The following HSD3B1 variants were observed in gnomAD, a reference collection of about 807,000 sequenced individuals.
HSD3B1 encodes the protein 3 beta-hydroxysteroid dehydrogenase/Delta 5-->4-isomerase type 1.
HSD3B1 carries 11 observed loss-of-function variants against 10.4 expected under a neutral mutation model. The ratio of observed to expected loss-of-function variants is 1.05; its 90% CI spans 0.66 to 1.75. The LOEUF (loss-of-function observed/expected upper bound fraction) is 1.75, where lower values mean the gene tolerates loss of function less well. Among genes scored for constraint, HSD3B1 ranks in the 40% most tolerant of loss-of-function variants. The probability of loss-of-function intolerance (pLI) is 0.00; values close to 1 mark genes in which losing one functional copy is unlikely to be tolerated. For synonymous variants in HSD3B1, 217 were observed against 185.4 expected (o/e 1.17, Z -1.39); for missense variants, 490 against 454.5 (o/e 1.08, Z -0.71).
Position 119,507,433 on chromosome 1 carries a change from A to T in HSD3B1, c.-44A>T, listed in dbSNP as rs777238090. On this transcript the variant is annotated 5_prime_UTR_variant, in exon 2 of 4. Transcript: ENST00000369413. Reference sequence around the variant, plus strand: ...CCTAGAATCAGATCTGCTCCCCAGCATCTTCTGTTTCCTGGTGAGTGATTC... The same window carrying T: ...CCTAGAATCAGATCTGCTCCCCAGCTTCTTCTGTTTCCTGGTGAGTGATTC... 1.1e-5 allele frequency: 17 copies of T among 1,609,898 alleles called. No homozygotes were observed. The highest frequency in any genetic ancestry group is 6.6e-5 in the South Asian group (6 of 90,980).
At chr1:119,512,668 T>G (rs1054880420) in intron 3 of HSD3B1, among the ~76,000 whole-genome samples, 1 of 152,210 alleles carries the variant, frequency 6.6e-6, no homozygotes, top group Non-Finnish European at 1.5e-5. Context: ...TAACCAGTTT[T>G]AATTACTACT....
intron 3 of HSD3B1, among the ~76,000 whole-genome samples, chr1:119,512,680 C>CA (rs1183245447): frequency 6.6e-6 from 1 of 152,108 alleles, no homozygotes; most frequent in Non-Finnish European, 1.5e-5. Context: ...ATTACTACTT[C>CA]AACAGCTCCC....
intron 2 of HSD3B1, among the ~76,000 whole-genome samples, chr1:119,510,356 G>A (rs1653897646): frequency 6.6e-6 from 1 of 152,088 alleles, no homozygotes; most frequent in Non-Finnish European, 1.5e-5. Flanking sequence ...ATTCATCATT[G>A]AAGCCCACCC....
chr1:119,507,471 A>T lies in HSD3B1; in HGVS notation c.-6A>T, dbSNP rs587608054. On this transcript the variant is annotated 5_prime_UTR_variant, in exon 2 of 4. It removes an upstream start codon present in the reference 5' UTR. Coordinates refer to ENST00000369413, the MANE Select transcript of HSD3B1 (RefSeq NM_000862.3). ...TGGTGAGTGATTCCTGCTACTTTGG[A>T]TGGCCATGACGGGCTGGAGCTGCCT... 2.0e-5 allele frequency: 32 copies of T among 1,613,632 alleles called. No homozygotes were observed. In the South Asian group the frequency reaches 3.1e-4, roughly 16 times the overall value.
chr1:119,509,221 A>G (rs1237443984), intron 2 of HSD3B1, among the ~76,000 whole-genome samples: 1 of 152,226 alleles, frequency 6.6e-6, no homozygotes, highest in East Asian at 1.9e-4. Context: ...CACAGTTAGC[A>G]TATGGCAAAG....
Position 119,513,979 on chromosome 1 carries a change from C to T in HSD3B1, c.456C>T (p.Pro152=), listed in dbSNP as rs755389773. The T allele has an allele frequency of 8.1e-6, 13 of 1,614,048 alleles. No homozygotes were observed. The highest frequency in any genetic ancestry group is 1.7e-5 in the Admixed American group (1 of 60,004). The change falls in exon 4 of 4, where the codon CCC becomes CCT. Residue 152 remains proline (P), a synonymous_variant. Transcript: ENST00000369413. ...HEEEPLENTW[P]APYPHSKKLA... ...AAGAGCCTCTGGAAAACACATGGCC[C>T]GCTCCATACCCACACAGCAAAAAGC... is the stretch of plus-strand genomic sequence containing the variant.
In HSD3B1 at chr1:119,508,362, C is replaced by CT. The variant is rs1344867398; in HGVS notation, c.145+749dup. On this transcript the variant is annotated intron_variant, in intron 2 of 3. Transcript: ENST00000369413. ...CCTCATTTAGATTTTGCATATATGG[C>CT]TTTTTTTTAAAAAAAAAAAAACAAA... Among the ~76,000 whole-genome samples, 75 of 145,002 alleles carry CT rather than the reference C, an allele frequency of 5.2e-4. No individual in the cohort carries two copies. In the East Asian group the frequency reaches 6.1e-3, roughly 12 times the overall value.
Position 119,507,565 on chromosome 1 carries a change from A to T in HSD3B1, c.89A>T (p.Lys30Met). ...CTCTTGGTGAAGGAGAAGGAGCTGA[A>T]GGAGATCAGGGTCTTGGACAAGGCC... ...IRLLVKEKEL[K>M]EIRVLDKAFG... The change falls in exon 2 of 4, where the codon AAG becomes ATG. Residue 30 changes from lysine to methionine, a missense_variant. Physicochemically the swap from Lys to Met is moderately conservative, Grantham distance 95. Coordinates refer to ENST00000369413, the MANE Select transcript of HSD3B1 (RefSeq NM_000862.3). 1 of 1,614,046 alleles carries T rather than the reference A, an allele frequency of 6.2e-7. No homozygotes were observed. Among genetic ancestry groups the T allele is most frequent in the Non-Finnish European group, 8.5e-7 (1 of 1,179,946 alleles).
chr1:119,509,460 G>A (rs1339372215), intron 2 of HSD3B1, among the ~76,000 whole-genome samples: 1 of 152,158 alleles, frequency 6.6e-6, no homozygotes, highest in East Asian at 1.9e-4. Flanking sequence ...AACTCACTGG[G>A]GAAGAGTCCT....
chr1:119,511,799 G>A (rs1034995778), intron 3 of HSD3B1, 132 bp downstream of exon 3: 58 of 807,976 alleles, frequency 7.2e-5, no homozygotes, highest in Admixed American at 1.4e-4. Flanking sequence ...TGATCACTAC[G>A]AATAGGAGAG....
intron 2 of HSD3B1, chr1:119,508,052 T>C (rs1653838896): frequency 5.9e-6 from 1 of 170,076 alleles, no homozygotes; most frequent in Non-Finnish European, 1.3e-5. Flanking sequence ...GTGTTTTGTT[T>C]TGCAGCTTCC....
At chr1:119,510,000 A>T (rs1326778209) in intron 2 of HSD3B1, among the ~76,000 whole-genome samples, 2 of 152,196 alleles carry the variant, frequency 1.3e-5, no homozygotes, top group East Asian at 3.9e-4. Flanking sequence ...AACCTCTCTG[A>T]GACTCAGTTT....
chr1:119,508,988 T>A (rs1416345181), intron 2 of HSD3B1, among the ~76,000 whole-genome samples: 2 of 152,232 alleles, frequency 1.3e-5, no homozygotes, highest in Non-Finnish European at 2.9e-5. Flanking sequence ...AGAGGTATTG[T>A]TCCCCTATGG....
intron 3 of HSD3B1, 76 bp from the exon 4 acceptor site, chr1:119,513,758 G>A (rs1654012757): frequency 3.7e-6 from 5 of 1,354,112 alleles, no homozygotes; most frequent in East Asian, 4.6e-5. Context: ...GGGGGGTGGG[G>A]CACATAGATC....
intron 2 of HSD3B1, among the ~76,000 whole-genome samples, chr1:119,509,783 T>C (rs1433163426): frequency 6.6e-6 from 1 of 152,238 alleles, no homozygotes; most frequent in Non-Finnish European, 1.5e-5. Context: ...TTCGAATTTT[T>C]CACTCTGAAT....
intron 2 of HSD3B1, among the ~76,000 whole-genome samples, chr1:119,510,758 A>G (rs774279363): frequency 5.1e-4 from 6 of 11,748 alleles, no homozygotes; most frequent in Non-Finnish European, 1.3e-3. Context: ...TTTTTTTGAG[A>G]CAAGGTGGTC....
intron 2 of HSD3B1, among the ~76,000 whole-genome samples, chr1:119,509,852 T>TGGAAAAGAATGATATTAAACAAC (rs1653886330): frequency 2.0e-5 from 3 of 152,134 alleles, no homozygotes; most frequent in Admixed American, 1.3e-4. Flanking sequence ...GCTTATTCTT[T>TGGAAAAGAATGATATTAAACAAC]GGAAAAGAAT....
intron 2 of HSD3B1, 67 bp from the exon 3 acceptor site, chr1:119,511,436 C>G: frequency 6.6e-7 from 1 of 1,524,596 alleles, no homozygotes; most frequent in Non-Finnish European, 9.1e-7. Context: ...TGTAACATCA[C>G]CTTTATCAGA....
chr1:119,509,575 T>C lies in HSD3B1; in HGVS notation c.146-1928T>C, dbSNP rs111240007. Among the ~76,000 whole-genome samples, 14 of 152,102 alleles carry C rather than the reference T, an allele frequency of 9.2e-5. 1 individual carries two copies. Among genetic ancestry groups the C allele is most frequent in the African/African-American group, 2.9e-4 (12 of 41,488 alleles). On this transcript the variant is annotated intron_variant, in intron 2 of 3. Coordinates refer to ENST00000369413, the MANE Select transcript of HSD3B1 (RefSeq NM_000862.3). ...AGGAAGGCAGCAGGAAGGGCAGAGG[T>C]GGAACTAGAACCAGAGAACATCCCA... is the stretch of plus-strand genomic sequence containing the variant.
Sources: gnomAD v4.1 joint callset for allele counts (sites outside exome capture counted in the v4.1 genomes callset) on GRCh38, gnomAD v4.1.1 for gene constraint, MANE v1.5 for transcripts, NCBI Gene and HGNC (gene_info 2026-07-23, HGNC 2026-07-21) for gene names.